Variants in SLC30A8 observed in about 807,000 individuals in gnomAD.
SLC30A8 encodes proton-coupled zinc antiporter SLC30A8.
Under a neutral mutation model 36.9 loss-of-function variants are expected in SLC30A8, and 27 were observed. That is an observed-to-expected ratio of 0.73 (90% CI 0.54 to 1.01). SLC30A8 has a LOEUF of 1.01. SLC30A8 is among the 50% of genes least tolerant of loss of function. The pLI, the probability that SLC30A8 is intolerant of heterozygous loss-of-function variation, is 0.00. For synonymous variants in SLC30A8, 164 were observed against 172.4 expected, an observed-to-expected ratio of 0.95 and a Z score of 0.38; for missense variants, 439 against 452.0, an observed-to-expected ratio of 0.97 and a Z score of 0.26.
chr8:117,026,092 C>G lies in SLC30A8; in HGVS notation c.-265-13127C>G, dbSNP rs75035610. Among the ~76,000 whole-genome samples, 565 of 152,220 alleles carry G rather than the reference C, an allele frequency of 3.7e-3. 4 individuals are homozygous for G. Among genetic ancestry groups the G allele is most frequent in the African/African-American group, 0.012 (519 of 41,540 alleles). On this transcript the variant is annotated intron_variant, in intron 1 of 10. Coordinates refer to the SLC30A8 transcript ENST00000427715. ...AGAAAAGGAGAGAGAACTGCCTGTC[C>G]CTTCACAGCAAAGAACAAAGTGTTC... is the stretch of plus-strand genomic sequence containing the variant.
intron 2 of SLC30A8, among the ~76,000 whole-genome samples, chr8:117,045,335 C>CG (rs1817517417): frequency 6.6e-6 from 1 of 152,020 alleles, no homozygotes; most frequent in African/African-American, 2.4e-5. Flanking sequence ...TCATCGTTCC[C>CG]CCACCGTACT....
chr8:117,140,151 GAAGA>G (rs1178105003), intron 1 of SLC30A8, among the ~76,000 whole-genome samples: 2 of 152,030 alleles, frequency 1.3e-5, no homozygotes, highest in Admixed American at 6.6e-5. Context: ...GAAGCTGGCA[GAAGA>G]AAGAATCACT....
chr8:117,150,795 C>T lies in SLC30A8; in HGVS notation c.272-2149C>T, dbSNP rs182847627. Among the ~76,000 whole-genome samples, 15 of 152,050 alleles carry T rather than the reference C, an allele frequency of 9.9e-5. No individual in the cohort carries two copies. In the East Asian group the frequency reaches 2.5e-3, roughly 26 times the overall value. ...TAATTTTTCATATTTTTAGTGGAGA[C>T]GGGGTTTCACCGTGTTAGCCAGGAT... On this transcript the variant is annotated intron_variant, in intron 2 of 7. Transcript: ENST00000456015.
At chr8:117,007,647 A>C (rs1174320908) in intron 1 of SLC30A8, among the ~76,000 whole-genome samples, 1 of 152,174 alleles carries the variant, frequency 6.6e-6, no homozygotes, top group Non-Finnish European at 1.5e-5. Flanking sequence ...ATAACACTAA[A>C]GGTTTTGCAT....
At chr8:117,124,860 C>T (rs536320901) in intron 2 of SLC30A8, among the ~76,000 whole-genome samples, 39 of 151,322 alleles carry the variant, frequency 2.6e-4, no homozygotes, top group Non-Finnish European at 5.2e-4. Context: ...GGGATCCATA[C>T]CCAAAACCTC....
intron 2 of SLC30A8, among the ~76,000 whole-genome samples, chr8:117,090,882 C>A (rs533536988): frequency 6.6e-6 from 1 of 152,144 alleles, no homozygotes; most frequent in Non-Finnish European, 1.5e-5. Flanking sequence ...ACCCTCTGGG[C>A]AAAACCAATG....
chr8:117,152,604 C>A (rs1450457630), intron 2 of SLC30A8, among the ~76,000 whole-genome samples: 1 of 152,184 alleles, frequency 6.6e-6, no homozygotes, highest in Non-Finnish European at 1.5e-5. Flanking sequence ...CTCTTTGAAT[C>A]TGACCCGCAC....
At chr8:117,154,863 C>T (rs1472765222) in intron 3 of SLC30A8, among the ~76,000 whole-genome samples, 2 of 152,164 alleles carry the variant, frequency 1.3e-5, no homozygotes, top group Non-Finnish European at 2.9e-5. Flanking sequence ...ATGGAAGACC[C>T]TGAGCTATTA....
At chr8:116,962,977 G>C (rs1814479204) in intron 1 of SLC30A8, among the ~76,000 whole-genome samples, 1 of 151,816 alleles carries the variant, frequency 6.6e-6, no homozygotes, top group Non-Finnish European at 1.5e-5. Context: ...GCGGGGAAGG[G>C]GACAAGTCAG....
At chr8:117,162,219 A>G (rs1174103531) in intron 5 of SLC30A8, among the ~76,000 whole-genome samples, 3 of 152,210 alleles carry the variant, frequency 2.0e-5, no homozygotes, top group African/African-American at 7.2e-5. Flanking sequence ...TAGGTTTTAG[A>G]AACGATCCAA....
chr8:116,969,232 A>G (rs1814702898), intron 1 of SLC30A8, among the ~76,000 whole-genome samples: 1 of 152,056 alleles, frequency 6.6e-6, no homozygotes, highest in South Asian at 2.1e-4. Context: ...AGCCCGGCCA[A>G]CATGGTGAAA....
At chr8:117,130,770 A>G (rs943152628), upstream of SLC30A8, among the ~76,000 whole-genome samples, 1 of 152,014 alleles carries the variant, frequency 6.6e-6, no homozygotes, top group Non-Finnish European at 1.5e-5. Context: ...AATAACAACC[A>G]TATCTCACCT....
intron 1 of SLC30A8, among the ~76,000 whole-genome samples, chr8:117,138,389 G>T (rs1821469971): frequency 6.6e-6 from 1 of 151,930 alleles, no homozygotes; most frequent in Non-Finnish European, 1.5e-5. Flanking sequence ...AGCGTCTATG[G>T]CATTTGAGCC....
At position 116,968,797 on chromosome 8, in the gene SLC30A8, C is replaced by G. The variant is rs144782326; in HGVS notation, c.-266+17678C>G. 6.7e-3 allele frequency among the ~76,000 whole-genome samples: 1,020 copies of G among 152,126 alleles called. 15 individuals carry two copies. The highest frequency in any genetic ancestry group is 0.063 in the East Asian group (324 of 5,162). On this transcript the variant is annotated intron_variant, in intron 1 of 10. Coordinates refer to the SLC30A8 transcript ENST00000427715. Reference sequence around the variant, plus strand: ...CTGTCACCAGGCTGGAGTGCAATGGCACGATCTCAGCTCACTGCAATCTCA... The same window carrying G: ...CTGTCACCAGGCTGGAGTGCAATGGGACGATCTCAGCTCACTGCAATCTCA...
At chr8:117,080,869 G>T (rs1205819850) in intron 2 of SLC30A8, among the ~76,000 whole-genome samples, 6 of 152,100 alleles carry the variant, frequency 3.9e-5, no homozygotes. Context: ...GGATTGCTGG[G>T]TCAAATGGTA....
In SLC30A8 at chr8:117,065,173, T is replaced by C. The variant is rs572483420; in HGVS notation, c.-226+25915T>C. 9.9e-5 allele frequency among the ~76,000 whole-genome samples: 15 copies of C among 152,264 alleles called. No individual in the cohort carries two copies. In the East Asian group the frequency reaches 2.7e-3, roughly 27 times the overall value. ...ACAGAAAACTGGAGACCATAAACTATGGAAAAGTGAGAAAGACGACCTGAA... is the reference window on the plus strand; with the variant it reads ...ACAGAAAACTGGAGACCATAAACTACGGAAAAGTGAGAAAGACGACCTGAA... On this transcript the variant is annotated intron_variant, in intron 2 of 10. Transcript: ENST00000427715.
chr8:117,000,887 TATATAATA>T (rs1369324387), intron 1 of SLC30A8, among the ~76,000 whole-genome samples: 1 of 152,216 alleles, frequency 6.6e-6, no homozygotes, highest in African/African-American at 2.4e-5. Context: ...GTGAGGATTA[TATATAATA>T]ATACATAGAG....
chr8:117,025,142 A>T (rs1254648531), intron 1 of SLC30A8, among the ~76,000 whole-genome samples: 1 of 152,186 alleles, frequency 6.6e-6, no homozygotes, highest in African/African-American at 2.4e-5. Context: ...AAATTCGGAG[A>T]GTTTAAAAAA....
chr8:117,038,635 T>C (rs1033984646), intron 1 of SLC30A8, among the ~76,000 whole-genome samples: 1 of 152,168 alleles, frequency 6.6e-6, no homozygotes, highest in Non-Finnish European at 1.5e-5. Context: ...TAGAAAAAAA[T>C]CACTAGAGGT....
Sources: allele counts gnomAD v4.1 joint callset (sites outside exome capture counted in the v4.1 genomes callset), GRCh38; gene constraint gnomAD v4.1.1; transcripts MANE v1.5; gene names NCBI Gene and HGNC (gene_info 2026-07-23, HGNC 2026-07-21).